The following TRDN variants were observed in gnomAD, a reference collection of about 807,000 sequenced individuals.
TRDN encodes triadin in skeletal muscle.
In TRDN, 161 loss-of-function variants were observed where a neutral mutation model predicts 149.7. The ratio of observed to expected loss-of-function variants is 1.08; its 90% CI spans 0.95 to 1.23. TRDN has a LOEUF of 1.23. Among genes scored for constraint, TRDN ranks in the 50% most tolerant of loss-of-function variants. TRDN has a pLI of 0.00. For synonymous variants in TRDN, 294 were observed against 250.5 expected (o/e 1.17, Z -1.64); for missense variants, 896 against 823.5 (o/e 1.09, Z -1.08).
chr6:123,530,394 T>A, intron 5 of TRDN, 112 bp downstream of exon 5: 1 of 522,370 alleles, frequency 1.9e-6, no homozygotes, highest in Admixed American at 5.2e-5. Context: ...GTAAATTTAG[T>A]TATTTAATAT....
chr6:123,516,421 A>C (rs1162063008), intron 5 of TRDN, among the ~76,000 whole-genome samples: 1 of 152,094 alleles, frequency 6.6e-6, no homozygotes, highest in African/African-American at 2.4e-5. Context: ...ACAAACTAGT[A>C]CCCAAACCAA....
chr6:123,378,453 A>AGTGTGTGTGTGT (rs59816098), intron 16 of TRDN, among the ~76,000 whole-genome samples: 2 of 136,286 alleles, frequency 1.5e-5, no homozygotes, highest in African/African-American at 5.5e-5. Context: ...CCAGATTTGT[A>AGTGTGTGTGTGT]GTGTGTGTGT....
chr6:123,590,296 G>A (rs2114615620), intron 1 of TRDN, among the ~76,000 whole-genome samples: 1 of 152,252 alleles, frequency 6.6e-6, no homozygotes, highest in Non-Finnish European at 1.5e-5. Flanking sequence ...ATTGTGCATG[G>A]GAGGAATCTA....
At chr6:123,256,367 TC>T (rs929816767) in intron 35 of TRDN, among the ~76,000 whole-genome samples, 2 of 152,198 alleles carry the variant, frequency 1.3e-5, no homozygotes, top group Non-Finnish European at 2.9e-5. Context: ...GTTCCAAGTC[TC>T]AGTCACATGC....
Position 123,497,263 on chromosome 6 carries a change from A to G in TRDN, c.794-11T>C, listed in dbSNP as rs773849208. 1.3e-6 allele frequency: 2 copies of G among 1,500,584 alleles called. No individual in the cohort carries two copies. The highest frequency in any genetic ancestry group is 2.6e-5 in the East Asian group (1 of 38,504). 93.0% of individuals were successfully genotyped at this position (1,500,584 alleles called of 1,614,324 possible). A position where few individuals can be genotyped will look rare whatever the true frequency, so the allele number is the denominator to read the frequency against. ...AGAATGCATACTGATCTGACAGAGT[A>G]GAAAGAAAAAGAGCAATGAAAAAAT... On this transcript the variant is annotated splice_polypyrimidine_tract_variant and intron_variant, in intron 8 of 40. Transcript: ENST00000334268.
At chr6:123,516,326 G>C in intron 5 of TRDN, 120 bp from the exon 6 acceptor site, 2 of 1,190,208 alleles carry the variant, frequency 1.7e-6, no homozygotes, top group South Asian at 4.2e-5. Context: ...TCTTTAACTG[G>C]ATTCAGATTT....
intron 1 of TRDN, among the ~76,000 whole-genome samples, chr6:123,602,967 G>T (rs938928266): frequency 2.0e-5 from 3 of 152,026 alleles, no homozygotes; most frequent in Non-Finnish European, 2.9e-5. Context: ...AGATTTATGA[G>T]ATTATGCAGC....
chr6:123,588,440 C>T (rs1583292626), intron 1 of TRDN, among the ~76,000 whole-genome samples: 2 of 152,288 alleles, frequency 1.3e-5, no homozygotes, highest in South Asian at 4.1e-4. Context: ...TCCTTCCCAT[C>T]ATGGCCTGAA....
chr6:123,255,962 T>C (rs1776542520), intron 35 of TRDN, 60 bp from the exon 36 acceptor site: 1 of 1,020,764 alleles, frequency 9.8e-7, no homozygotes, highest in Non-Finnish European at 1.3e-6. Flanking sequence ...AATTATACTT[T>C]AAGTTCTGGG....
chr6:123,526,401 C>A (rs1779951167), intron 5 of TRDN, among the ~76,000 whole-genome samples: 1 of 151,820 alleles, frequency 6.6e-6, no homozygotes, highest in Non-Finnish European at 1.5e-5. Flanking sequence ...TGGCTATGAG[C>A]AAATTCTGGT....
rs374832854 is a variant in TRDN, at chr6:123,381,357, T to C, written c.1186+13A>G. 14 of 1,553,560 alleles carry C rather than the reference T, an allele frequency of 9.0e-6. No homozygotes were observed. The South Asian group carries it at 1.5e-4, about 17-fold the overall frequency. ...AAAAAAAGTACACAAATACACTGCATGCATTTCCTTACTTTTTCCCTTGGG... is the reference window on the plus strand; with the variant it reads ...AAAAAAAGTACACAAATACACTGCACGCATTTCCTTACTTTTTCCCTTGGG... On this transcript the variant is annotated intron_variant, in intron 16 of 40. Transcript: ENST00000334268.
intron 8 of TRDN, chr6:123,498,412 G>A (rs1253424389): frequency 5.8e-6 from 2 of 343,198 alleles, no homozygotes; most frequent in Non-Finnish European, 1.2e-5. Context: ...TATAGTTATT[G>A]AAGAAGATAT....
intron 8 of TRDN, chr6:123,502,883 C>A (rs1778758610): frequency 1.0e-6 from 1 of 985,266 alleles, no homozygotes. Flanking sequence ...CAGGATTATA[C>A]AGCAAACTGG....
intron 1 of TRDN, among the ~76,000 whole-genome samples, chr6:123,593,075 C>T (rs1783865249): frequency 6.6e-6 from 1 of 152,140 alleles, no homozygotes; most frequent in Non-Finnish European, 1.5e-5. Context: ...TGTCTTCTTT[C>T]AAATACTCTA....
At chr6:123,536,687 C>CAATAAATAAATAAATA (rs143950900) in intron 4 of TRDN, among the ~76,000 whole-genome samples, 30 of 129,896 alleles carry the variant, frequency 2.3e-4, no homozygotes, top group Non-Finnish European at 3.5e-4. Flanking sequence ...TCCATCTCTA[C>CAATAAATAAATAAATA]AATAAATAAA....
intron 9 of TRDN, among the ~76,000 whole-genome samples, chr6:123,491,040 AGGTTGC>A (rs1455745754): frequency 4.6e-5 from 7 of 151,488 alleles, no homozygotes; most frequent in African/African-American, 1.7e-4. Flanking sequence ...CGGGAGGCAG[AGGTTGC>A]AGTGAGCCGA....
chr6:123,330,553 C>T (rs867495786), intron 23 of TRDN, among the ~76,000 whole-genome samples: 27 of 151,772 alleles, frequency 1.8e-4, no homozygotes, highest in South Asian at 1.2e-3. Context: ...TCATAAAAGC[C>T]GATGAAAAGA....
chr6:123,410,795 T>C (rs1773401765), intron 12 of TRDN, among the ~76,000 whole-genome samples: 1 of 152,106 alleles, frequency 6.6e-6, no homozygotes, highest in East Asian at 1.9e-4. Context: ...AAAGTCTGAA[T>C]CTTTCCAAAG....
At chr6:123,420,357 T>C (rs1773844419) in intron 12 of TRDN, among the ~76,000 whole-genome samples, 1 of 150,314 alleles carries the variant, frequency 6.7e-6, no homozygotes, top group South Asian at 2.1e-4. Context: ...TTTCTGGTTC[T>C]ACTGTTTTCC....
Sources: gnomAD v4.1 joint callset for allele counts (sites outside exome capture counted in the v4.1 genomes callset) on GRCh38, gnomAD v4.1.1 for gene constraint, MANE v1.5 for transcripts, NCBI Gene and HGNC (gene_info 2026-07-23, HGNC 2026-07-21) for gene names.